Variants in PDE4DIP observed in about 807,000 individuals in gnomAD.
The protein encoded by PDE4DIP is myomegalin.
A neutral mutation model predicts 221.4 loss-of-function variants in PDE4DIP; 59 were observed. The observed-to-expected ratio is 0.27, with a 90% CI of 0.22 to 0.33. The LOEUF (loss-of-function observed/expected upper bound fraction) is 0.33. Among genes scored for constraint, PDE4DIP ranks in the 10% least tolerant of loss-of-function variants. The probability of loss-of-function intolerance (pLI) is 1.00; values close to 1 mark genes in which losing one functional copy is unlikely to be tolerated. For synonymous variants in PDE4DIP, 404 were observed against 815.9 expected (o/e 0.50, Z 8.60); for missense variants, 1,036 against 2,154.2 (o/e 0.48, Z 10.28).
At chr1:148,820,897 C>T (rs1472264511) in intron 1 of PDE4DIP, among the ~76,000 whole-genome samples, 1 of 147,452 alleles carries the variant, frequency 6.8e-6, no homozygotes, top group Non-Finnish European at 1.5e-5. Flanking sequence ...GTTGCCCAGG[C>T]TGGAGTGCAG....
At chr1:148,862,331 C>G (rs76785952) in intron 1 of PDE4DIP, among the ~76,000 whole-genome samples, 203 of 149,518 alleles carry the variant, frequency 1.4e-3, no homozygotes, top group African/African-American at 4.6e-3. Context: ...AAGCACTTGT[C>G]AAGCATGGGC....
exon 30 of PDE4DIP, chr1:149,009,699 T>G (rs1427360892): frequency 6.2e-7 from 1 of 1,614,040 alleles, no homozygotes; most frequent in East Asian, 2.2e-5. Context: ...AGCACCTCTT[T>G]CCTGTCTGAT....
exon 10 of PDE4DIP, chr1:148,965,606 AAACCAT>A: frequency 1.0e-6 from 1 of 1,002,006 alleles, no homozygotes; most frequent in Non-Finnish European, 1.6e-6. Flanking sequence ...TCCAGCACCT[AAACCAT>A]AGTCTGAGTC....
chr1:148,962,925 C>T (rs1261982939), intron 9 of PDE4DIP, among the ~76,000 whole-genome samples: 1 of 152,158 alleles, frequency 6.6e-6, no homozygotes, highest in Non-Finnish European at 1.5e-5. Context: ...CAGAGTCTCG[C>T]TCTGTCGCCA....
intron 3 of PDE4DIP, among the ~76,000 whole-genome samples, chr1:148,875,921 G>A (rs1340702241): frequency 1.6e-4 from 24 of 152,270 alleles, no homozygotes; most frequent in Admixed American, 1.6e-3. Flanking sequence ...GCGAGACTCT[G>A]TCTCAAATAA....
In PDE4DIP at chr1:148,998,151, G is replaced by T. The variant is rs2064752943; in HGVS notation, c.2913G>T (p.Lys971Asn). ...CCATGATTTTCTTTTAGCTTGTCAA[G>T]GTGGCTTTGGAGAAAAGTCTGGCAA... is the stretch of plus-strand genomic sequence containing the variant. The change falls in exon 23 of 44, where the codon AAG (lysine) becomes AAT (asparagine). Residue 971 changes from lysine (K) to asparagine (N), a missense_variant. By Grantham distance (94) the Lys-to-Asn change is moderately conservative. Transcript: ENST00000369354. 4 of 1,115,232 alleles carry T rather than the reference G, an allele frequency of 3.6e-6. No individual in the cohort carries two copies. In the South Asian group the frequency reaches 4.0e-5, roughly 11 times the overall value. The allele number at this position is 1,115,232 out of a possible 1,614,324, so 69.1% of individuals were successfully genotyped here. A position where few individuals can be genotyped will look rare whatever the true frequency, so the allele number is the denominator to read the frequency against.
intron 38 of PDE4DIP, among the ~76,000 whole-genome samples, chr1:149,025,374 C>A (rs1407019609): frequency 6.6e-6 from 1 of 151,698 alleles, no homozygotes; most frequent in Non-Finnish European, 1.5e-5. Flanking sequence ...AATGTTCCTG[C>A]CCCTAAGGAA....
At chr1:148,920,066 C>T (rs147105574) in intron 1 of PDE4DIP, among the ~76,000 whole-genome samples, 17,835 of 143,230 alleles carry the variant, frequency 0.12, 1 homozygote, top group Non-Finnish European at 0.16. Context: ...TTCTTGTCGA[C>T]TTTATCAATG....
chr1:148,969,949 A>G (rs1367072326), intron 14 of PDE4DIP, among the ~76,000 whole-genome samples: 1 of 152,036 alleles, frequency 6.6e-6, no homozygotes, highest in Non-Finnish European at 1.5e-5. Context: ...CAAGTGATCC[A>G]CCCATCTCAG....
chr1:148,857,138 G>A (rs1681673845), intron 1 of PDE4DIP, among the ~76,000 whole-genome samples: 1 of 64,434 alleles, frequency 1.6e-5, no homozygotes, highest in Non-Finnish European at 2.7e-5. Flanking sequence ...CTTTTATCAA[G>A]GTCATTAATT....
chr1:149,017,077 G>A (rs113374619), intron 33 of PDE4DIP, among the ~76,000 whole-genome samples: 428 of 151,646 alleles, frequency 2.8e-3, no homozygotes, highest in African/African-American at 9.6e-3. Context: ...AAGCAAAATG[G>A]TGCAGTTAAT....
At chr1:148,995,724 C>T (rs2064047336) in intron 22 of PDE4DIP, among the ~76,000 whole-genome samples, 1 of 151,956 alleles carries the variant, frequency 6.6e-6, no homozygotes, top group African/African-American at 2.4e-5. Context: ...TGCTTTCATA[C>T]ATGATCAAAA....
intron 37 of PDE4DIP, among the ~76,000 whole-genome samples, chr1:149,022,548 G>A (rs1460817454): frequency 6.6e-6 from 1 of 152,298 alleles, no homozygotes; most frequent in Non-Finnish European, 1.5e-5. Context: ...GGAACCTGAA[G>A]AAATAGAGGG....
At chr1:148,953,077 G>A (rs202007829) in intron 5 of PDE4DIP, 1 of 1,614,096 alleles carries the variant, frequency 6.2e-7, no homozygotes, top group South Asian at 1.1e-5. Context: ...TGTATCGGAA[G>A]AATAACGATG....
At chr1:148,907,238 A>T (rs1279273698) in intron 1 of PDE4DIP, among the ~76,000 whole-genome samples, 1 of 135,610 alleles carries the variant, frequency 7.4e-6, no homozygotes, top group African/African-American at 2.9e-5. Context: ...GTTAATTCTT[A>T]TCCATTCTGC....
At chr1:148,956,009 G>T (rs1553501947) in intron 5 of PDE4DIP, among the ~76,000 whole-genome samples, 1 of 152,134 alleles carries the variant, frequency 6.6e-6, no homozygotes, top group African/African-American at 2.4e-5. Context: ...AATGGGCGGT[G>T]TATCTATTGT....
At chr1:148,998,513 C>T in intron 23 of PDE4DIP, 138 bp downstream of exon 26, 2 of 556,578 alleles carry the variant, frequency 3.6e-6, no homozygotes, top group Admixed American at 6.1e-5. Flanking sequence ...TAATGGTAAT[C>T]ACTTTCTGTT....
chr1:148,865,296 C>T (rs1553406144), intron 2 of PDE4DIP, among the ~76,000 whole-genome samples: 1 of 107,774 alleles, frequency 9.3e-6, no homozygotes. Context: ...GCCATGTTGG[C>T]CAGGCTGGTC....
At chr1:148,881,680 C>T (rs1553424876) in intron 3 of PDE4DIP, among the ~76,000 whole-genome samples, 1 of 148,050 alleles carries the variant, frequency 6.8e-6, no homozygotes, top group Non-Finnish European at 1.5e-5. Flanking sequence ...GTATAGGGGG[C>T]CTGAGGTAGA....
Sources: allele counts gnomAD v4.1 joint callset (sites outside exome capture counted in the v4.1 genomes callset), GRCh38; gene constraint gnomAD v4.1.1; transcripts MANE v1.5; gene names NCBI Gene and HGNC (gene_info 2026-07-23, HGNC 2026-07-21).